Variants in KLHL8 observed in about 807,000 individuals in gnomAD.
The protein encoded by KLHL8 is kelch-like protein 8.
A neutral mutation model predicts 63.5 loss-of-function variants in KLHL8; 38 were observed. The ratio of observed to expected loss-of-function variants is 0.60; its 90% CI spans 0.46 to 0.78. KLHL8 has a LOEUF of 0.78. Among genes scored for constraint, KLHL8 ranks in the 30% least tolerant of loss-of-function variants. The pLI, the probability that KLHL8 is intolerant of heterozygous loss-of-function variation, is 0.00. For synonymous variants in KLHL8, 224 were observed against 254.3 expected, an observed-to-expected ratio of 0.88 and a Z score of 1.13; for missense variants, 566 against 752.4, an observed-to-expected ratio of 0.75 and a Z score of 2.90.
chr4:87,224,747 A>G (rs1462147985), upstream of KLHL8, among the ~76,000 whole-genome samples: 2 of 152,112 alleles, frequency 1.3e-5, no homozygotes, highest in Non-Finnish European at 2.9e-5. Flanking sequence ...GTGGATGGCT[A>G]TGTTTTCTGA....
chr4:87,213,822 T>G (rs1286815707), intron 1 of KLHL8, among the ~76,000 whole-genome samples: 2 of 152,170 alleles, frequency 1.3e-5, no homozygotes, highest in African/African-American at 4.8e-5. Flanking sequence ...TTTTGAGAGA[T>G]ATCTGTCAGC....
intron 8 of KLHL8, among the ~76,000 whole-genome samples, chr4:87,168,062 T>C (rs1000586086): frequency 6.6e-6 from 1 of 152,210 alleles, no homozygotes; most frequent in African/African-American, 2.4e-5. Context: ...CTTACCTTTA[T>C]GGTTAAAGGG....
chr4:87,199,136 G>T (rs1345848265), intron 1 of KLHL8, among the ~76,000 whole-genome samples: 1 of 151,964 alleles, frequency 6.6e-6, no homozygotes, highest in Non-Finnish European at 1.5e-5. Context: ...TAGGTTAAAG[G>T]AATTGGATAG....
intron 1 of KLHL8, among the ~76,000 whole-genome samples, chr4:87,198,408 A>G (rs1221524031): frequency 6.6e-6 from 1 of 152,226 alleles, no homozygotes; most frequent in African/African-American, 2.4e-5. Flanking sequence ...TGGTTGATTT[A>G]AACTCAACAA....
intron 1 of KLHL8, among the ~76,000 whole-genome samples, chr4:87,233,780 T>A (rs752293563): frequency 6.6e-6 from 1 of 152,224 alleles, no homozygotes; most frequent in Non-Finnish European, 1.5e-5. Context: ...ACGTTACCAC[T>A]TATGCCTACA....
At chr4:87,207,386 T>C (rs745365400) in intron 1 of KLHL8, 1 of 670,952 alleles carries the variant, frequency 1.5e-6, no homozygotes, top group Non-Finnish European at 2.7e-6. Flanking sequence ...TCCACTGGTG[T>C]TTTCACCCCC....
intron 2 of KLHL8, among the ~76,000 whole-genome samples, chr4:87,188,119 T>C (rs894221220): frequency 2.6e-5 from 4 of 152,216 alleles, no homozygotes; most frequent in African/African-American, 4.8e-5. Flanking sequence ...TTAGATTCCA[T>C]TGAGACTAAA....
chr4:87,176,982 A>C, intron 5 of KLHL8, 114 bp from the exon 6 acceptor site: 1 of 567,712 alleles, frequency 1.8e-6, no homozygotes, highest in Non-Finnish European at 3.0e-6. Flanking sequence ...ATTTTCAATA[A>C]TTGCTGTTCT....
At chr4:87,208,032 T>C in intron 1 of KLHL8, 1 of 662,270 alleles carries the variant, frequency 1.5e-6, no homozygotes, top group South Asian at 1.4e-5. Context: ...GGTATAGCGA[T>C]GAATTTGGCT....
At chr4:87,239,674 C>T (rs911953613) in intron 1 of KLHL8, among the ~76,000 whole-genome samples, 1 of 152,122 alleles carries the variant, frequency 6.6e-6, no homozygotes, top group Non-Finnish European at 1.5e-5. Context: ...TTCAGCAGTA[C>T]TAACAATACA....
rs778308741 is a variant in KLHL8, at chr4:87,164,014, C to A, written c.1603G>T (p.Asp535Tyr). 1 of 1,614,166 alleles carries A rather than the reference C, an allele frequency of 6.2e-7. No homozygotes were observed. Among genetic ancestry groups the A allele is most frequent in the Non-Finnish European group, 8.5e-7 (1 of 1,180,020 alleles). The change falls in exon 9 of 10, where the codon GAT becomes TAT. Residue 535 changes from aspartate (D) to tyrosine (Y), a missense_variant. Asp to Tyr is a radical substitution (Grantham distance 160). Coordinates refer to ENST00000273963, the MANE Select transcript of KLHL8 (RefSeq NM_020803.5). ...GGAGTAGTAAGTGCTGCCACATAATCCCACTTGTTGCTTCGGGGGTCATAC... is the reference window on the plus strand; with the variant it reads ...GGAGTAGTAAGTGCTGCCACATAATACCACTTGTTGCTTCGGGGGTCATAC... ...ERYDPRSNKW[D>Y]YVAALTTPRG... is the part of the protein sequence containing the mutation.
chr4:87,176,752 T>C lies in KLHL8; in HGVS notation c.1208+5A>G. On this transcript the variant is annotated splice_donor_5th_base_variant and intron_variant, in intron 6 of 9. Coordinates refer to ENST00000273963, the MANE Select transcript of KLHL8 (RefSeq NM_020803.5). ...AGTTCAAAATAACTTTCCATGCTGA[T>C]CTACCTCTTTGTGTTCATTGATGCC... 1 of 1,458,020 alleles carries C rather than the reference T, an allele frequency of 6.9e-7. No individual in the cohort carries two copies. The highest frequency in any genetic ancestry group is 9.5e-7 in the Non-Finnish European group (1 of 1,047,808). 90.3% of individuals were successfully genotyped at this position (1,458,020 alleles called of 1,614,324 possible).
intron 2 of KLHL8, among the ~76,000 whole-genome samples, chr4:87,188,797 T>C (rs952229157): frequency 5.9e-5 from 9 of 152,196 alleles, no homozygotes; most frequent in Non-Finnish European, 7.3e-5. Flanking sequence ...AGACCTGATG[T>C]TTAAAATTGG....
rs372313915 is a variant in KLHL8, at chr4:87,203,906, A to G, written c.-151-8216T>C. On this transcript the variant is annotated intron_variant, in intron 1 of 9. Coordinates refer to ENST00000273963, the MANE Select transcript of KLHL8 (RefSeq NM_020803.5). Reference sequence around the variant, plus strand: ...GTTGGCAAACCACATATTTGACAAAAAATTTACATCCCAAATATATAAAAC... The same window carrying G: ...GTTGGCAAACCACATATTTGACAAAGAATTTACATCCCAAATATATAAAAC... 3.3e-5 allele frequency among the ~76,000 whole-genome samples: 5 copies of G among 152,172 alleles called. No individual in the cohort carries two copies. The East Asian group carries it at 7.7e-4, about 23-fold the overall frequency.
At chr4:87,187,527 T>A (rs140870146) in intron 2 of KLHL8, among the ~76,000 whole-genome samples, 38 of 152,146 alleles carry the variant, frequency 2.5e-4, no homozygotes, top group African/African-American at 8.2e-4. Context: ...ATTTGTCATA[T>A]ATATTTCAAA....
intron 8 of KLHL8, among the ~76,000 whole-genome samples, chr4:87,164,891 G>T (rs1348479394): frequency 1.3e-5 from 2 of 152,098 alleles, no homozygotes; most frequent in South Asian, 4.1e-4. Context: ...GCTCACGCCT[G>T]TAATCCCAGC....
At chr4:87,208,054 G>C (rs1472638359) in intron 1 of KLHL8, 1 of 615,156 alleles carries the variant, frequency 1.6e-6, no homozygotes, top group South Asian at 1.4e-5. Flanking sequence ...CAGCAACAAG[G>C]TCGTGGACCT....
At chr4:87,181,278 A>G (rs902460520) in intron 4 of KLHL8, among the ~76,000 whole-genome samples, 18 of 145,908 alleles carry the variant, frequency 1.2e-4, no homozygotes, top group Non-Finnish European at 6.1e-5. Context: ...AATACAAAAA[A>G]AAAAAGAAAA....
chr4:87,186,941 A>G (rs1731283205), intron 2 of KLHL8, among the ~76,000 whole-genome samples: 1 of 151,522 alleles, frequency 6.6e-6, no homozygotes, highest in African/African-American at 2.4e-5. Flanking sequence ...TTCTATTTAC[A>G]TTATCTTGAA....
Sources: allele counts gnomAD v4.1 joint callset (sites outside exome capture counted in the v4.1 genomes callset), GRCh38; gene constraint gnomAD v4.1.1; transcripts MANE v1.5; gene names NCBI Gene and HGNC (gene_info 2026-07-23, HGNC 2026-07-21).